Variants in FAM107B observed in about 807,000 individuals in gnomAD.
FAM107B encodes the protein protein FAM107B.
In FAM107B, 21 loss-of-function variants were observed where a neutral mutation model predicts 31.5. The ratio of observed to expected loss-of-function variants is 0.67; its 90% CI spans 0.47 to 0.96. The LOEUF (loss-of-function observed/expected upper bound fraction) is 0.96, where lower values mean the gene tolerates loss of function less well. FAM107B is among the 40% of genes least tolerant of loss of function. The pLI, the probability that FAM107B is intolerant of heterozygous loss-of-function variation, is 0.00. For synonymous variants in FAM107B, 157 were observed against 141.5 expected (o/e 1.11, Z -0.78); for missense variants, 452 against 377.1 (o/e 1.20, Z -1.64).
chr10:14,610,209 G>T (rs112733347), intron 2 of FAM107B, among the ~76,000 whole-genome samples: 1,907 of 152,188 alleles, frequency 0.013, 41 homozygotes, highest in African/African-American at 0.043. Context: ...CAGGCATGGT[G>T]ATGGGCGCTT....
rs541160504 is a variant in FAM107B at position 14,652,862 on chromosome 10, C to T, written c.469+14772G>A. The T allele has an allele frequency of 5.9e-5, 9 of 152,272 alleles. No homozygotes were observed. The South Asian group carries it at 1.0e-3, about 18-fold the overall frequency. 9.4% of individuals were successfully genotyped at this position (152,272 alleles called of 1,614,324 possible). ...GGAAACTGAGAAAGTTATAGTCATC[C>T]GAAGGAGTTAATGCAATTATCCATT... On this transcript the variant is annotated intron_variant, in intron 2 of 4. Transcript: ENST00000181796.
At chr10:14,715,027 T>C (rs1855750089) in intron 1 of FAM107B, among the ~76,000 whole-genome samples, 1 of 152,180 alleles carries the variant, frequency 6.6e-6, no homozygotes, top group South Asian at 2.1e-4. Flanking sequence ...GTGAAGTCAC[T>C]AATGGGCAAA....
At chr10:14,569,965 C>CA (rs1453785726) in intron 2 of FAM107B, among the ~76,000 whole-genome samples, 4 of 152,202 alleles carry the variant, frequency 2.6e-5, no homozygotes, top group Non-Finnish European at 5.9e-5. Context: ...CCCAGCAACT[C>CA]AGTCGCTTTT....
intron 2 of FAM107B, among the ~76,000 whole-genome samples, chr10:14,564,639 C>G (rs986614828): frequency 7.9e-5 from 12 of 152,124 alleles, no homozygotes; most frequent in African/African-American, 2.9e-4. Flanking sequence ...TCCTCCCACC[C>G]AAATTGCACA....
chr10:14,534,966 T>C (rs900682152), intron 2 of FAM107B: 1 of 152,200 alleles, frequency 6.6e-6, no homozygotes, highest in Non-Finnish European at 1.5e-5. Context: ...TAAGGTGTAG[T>C]GCAGAAAGTG....
intron 1 of FAM107B, among the ~76,000 whole-genome samples, chr10:14,744,657 T>C (rs1832689712): frequency 6.6e-6 from 1 of 152,226 alleles, no homozygotes; most frequent in Non-Finnish European, 1.5e-5. Flanking sequence ...TTTATTGATT[T>C]GTGTATGTTG....
chr10:14,718,466 G>T (rs1564270445), intron 1 of FAM107B, among the ~76,000 whole-genome samples: 1 of 144,016 alleles, frequency 6.9e-6, no homozygotes, highest in African/African-American at 2.5e-5. Context: ...AAGGAAGGAA[G>T]GAAGAAAAGG....
chr10:14,699,320 A>C (rs1855342006), intron 1 of FAM107B, among the ~76,000 whole-genome samples: 1 of 152,216 alleles, frequency 6.6e-6, no homozygotes, highest in East Asian at 1.9e-4. Context: ...TCACACAATT[A>C]TGGAGGCTGA....
At chr10:14,688,359 G>T (rs1318331346) in intron 1 of FAM107B, among the ~76,000 whole-genome samples, 3 of 152,098 alleles carry the variant, frequency 2.0e-5, no homozygotes, top group African/African-American at 7.2e-5. Context: ...TTGTGATCGC[G>T]TGAGTCAGCA....
At chr10:14,528,313 T>G (rs1319494268) in intron 3 of FAM107B, among the ~76,000 whole-genome samples, 1 of 151,238 alleles carries the variant, frequency 6.6e-6, no homozygotes, top group Non-Finnish European at 1.5e-5. Context: ...TCCCGAGTGG[T>G]TGGGATTACA....
At chr10:14,631,707 C>A (rs926868843) in intron 2 of FAM107B, among the ~76,000 whole-genome samples, 3 of 152,162 alleles carry the variant, frequency 2.0e-5, no homozygotes, top group African/African-American at 7.2e-5. Flanking sequence ...GCAACTTCAT[C>A]ATCAGCCCCG....
intron 1 of FAM107B, among the ~76,000 whole-genome samples, chr10:14,725,821 C>CTTTTTTTTTT (rs759788163): frequency 1.1e-5 from 1 of 94,296 alleles, no homozygotes; most frequent in Non-Finnish European, 1.9e-5. Flanking sequence ...CAGTCAAATC[C>CTTTTTTTTTT]TTTTTTTTTT....
rs144235324 is a variant in FAM107B at position 14,630,214 on chromosome 10, T to C, written c.469+37420A>G. 1.1e-3 allele frequency among the ~76,000 whole-genome samples: 172 copies of C among 150,884 alleles called. 4 individuals carry two copies. The East Asian group carries it at 0.032, about 28-fold the overall frequency. Reference sequence around the variant, plus strand: ...AGTTTCACCTAAAGTAAGCACTTTATGTCCCATATACAACATTAAGACATG... The same window carrying C: ...AGTTTCACCTAAAGTAAGCACTTTACGTCCCATATACAACATTAAGACATG... On this transcript the variant is annotated intron_variant, in intron 2 of 4. Transcript: ENST00000181796.
chr10:14,680,796 G>A (rs1029152827), intron 1 of FAM107B, among the ~76,000 whole-genome samples: 3 of 152,182 alleles, frequency 2.0e-5, no homozygotes, highest in African/African-American at 7.2e-5. Flanking sequence ...CTCTCTGTGA[G>A]GTTGGCTGAA....
chr10:14,593,650 C>T (rs1031815900), intron 2 of FAM107B, among the ~76,000 whole-genome samples: 1 of 150,966 alleles, frequency 6.6e-6, no homozygotes, highest in Admixed American at 6.6e-5. Context: ...GCTGAGATCA[C>T]ACCACTGTAC....
At chr10:14,723,718 T>C in intron 1 of FAM107B, 1 of 757,282 alleles carries the variant, frequency 1.3e-6, no homozygotes, top group Non-Finnish European at 2.4e-6. Context: ...GAAGGCTGCC[T>C]GGATCTGGTT....
intron 1 of FAM107B, among the ~76,000 whole-genome samples, chr10:14,762,211 C>A (rs1833062858): frequency 6.6e-6 from 1 of 152,126 alleles, no homozygotes; most frequent in Non-Finnish European, 1.5e-5. Context: ...ATTGGGCATC[C>A]CCTCCTCACC....
At chr10:14,648,218 A>G (rs1369312838) in intron 2 of FAM107B, among the ~76,000 whole-genome samples, 1 of 152,180 alleles carries the variant, frequency 6.6e-6, no homozygotes. Flanking sequence ...CAGGCCTCAC[A>G]AGGAAGCTTG....
intron 1 of FAM107B, among the ~76,000 whole-genome samples, chr10:14,739,159 C>T (rs748548165): frequency 2.0e-5 from 3 of 152,174 alleles, no homozygotes; most frequent in African/African-American, 4.8e-5. Flanking sequence ...AGTAGAACAA[C>T]GTTCATCATA....
Sources: gnomAD v4.1 joint callset for allele counts (sites outside exome capture counted in the v4.1 genomes callset) on GRCh38, gnomAD v4.1.1 for gene constraint, MANE v1.5 for transcripts, NCBI Gene and HGNC (gene_info 2026-07-23, HGNC 2026-07-21) for gene names.